The following ATP13A4 variants were observed in gnomAD, a reference collection of about 807,000 sequenced individuals.
The protein encoded by ATP13A4 is ATPase 13A4, also known as probable cation-transporting ATPase 13A4.
A neutral mutation model predicts 142.5 loss-of-function variants in ATP13A4; 114 were observed. The ratio of observed to expected loss-of-function variants is 0.80; its 90% CI spans 0.69 to 0.93. The LOEUF is 0.93. ATP13A4 is among the 40% of genes least tolerant of loss of function. ATP13A4 has a pLI of 0.00. For missense variants in ATP13A4, 1,392 were observed against 1,454.0 expected (o/e 0.96, Z 0.69); for synonymous variants, 488 against 514.8 (o/e 0.95, Z 0.70).
chr3:193,464,083 TACC>T (rs1227839888), intron 12 of ATP13A4, among the ~76,000 whole-genome samples: 7 of 152,260 alleles, frequency 4.6e-5, no homozygotes, highest in African/African-American at 1.4e-4. Context: ...ATGTGTATTT[TACC>T]ACATTTAAAA....
intron 1 of ATP13A4, among the ~76,000 whole-genome samples, chr3:193,523,749 T>C (rs1209716353): frequency 6.6e-6 from 1 of 152,168 alleles, no homozygotes; most frequent in African/African-American, 2.4e-5. Flanking sequence ...GGTTTGGATG[T>C]GGTTTGTCCC....
At position 193,496,332 on chromosome 3, in the gene ATP13A4, C is replaced by A. The variant is rs150624668; in HGVS notation, c.382-3172G>T. On this transcript the variant is annotated intron_variant, in intron 3 of 29. Transcript: ENST00000342695. ...TCTGACTTCAAATTTCACTACAAAG[C>A]GATAGTAACTAAAACAGCATGGTGC... Among the ~76,000 whole-genome samples the A allele has an allele frequency of 1.9e-3, 288 of 152,200 alleles. 3 individuals carry two copies. Among genetic ancestry groups the A allele is most frequent in the African/African-American group, 6.8e-3 (282 of 41,526 alleles).
rs887616491 is a variant in ATP13A4 at position 193,502,419 on chromosome 3, T to C, written c.381+74A>G. The C allele has an allele frequency of 4.6e-5, 70 of 1,519,624 alleles. No individual in the cohort carries two copies. In the African/African-American group the frequency reaches 7.4e-4, roughly 16 times the overall value. The allele number at this position is 1,519,624 out of a possible 1,614,324, so 94.1% of individuals were successfully genotyped here. ...ATGAGGATTGGCACAGTAGAGGAGC[T>C]ACATTTAACTATATACTTGAGGGGA... On this transcript the variant is annotated intron_variant, in intron 3 of 29. Coordinates refer to ENST00000342695, the MANE Select transcript of ATP13A4 (RefSeq NM_032279.4).
intron 2 of ATP13A4, among the ~76,000 whole-genome samples, chr3:193,506,528 C>T (rs879768321): frequency 2.6e-4 from 40 of 152,174 alleles, no homozygotes; most frequent in Admixed American, 2.0e-3. Flanking sequence ...TGGTTTTGTA[C>T]TTTCTGACCC....
chr3:193,584,930 TC>T (rs1293210591), intron 1 of ATP13A4, among the ~76,000 whole-genome samples: 1 of 152,154 alleles, frequency 6.6e-6, no homozygotes, highest in Non-Finnish European at 1.5e-5. Flanking sequence ...TATGGAATGT[TC>T]CCATGTTTCT....
At chr3:193,466,336 G>A (rs1400680391) in intron 10 of ATP13A4, among the ~76,000 whole-genome samples, 154 bp from the exon 11 acceptor site, 2 of 152,204 alleles carry the variant, frequency 1.3e-5, no homozygotes, top group African/African-American at 4.8e-5. Context: ...ATACATAAAT[G>A]CTGGAACGGA....
chr3:193,495,495 C>A (rs1720174176), intron 3 of ATP13A4, among the ~76,000 whole-genome samples: 1 of 152,024 alleles, frequency 6.6e-6, no homozygotes, highest in Non-Finnish European at 1.5e-5. Flanking sequence ...ACCATATGAT[C>A]ATTTGAACAA....
chr3:193,489,596 T>A lies in ATP13A4; in HGVS notation c.738+134A>T, dbSNP rs544486763. On this transcript the variant is annotated intron_variant, in intron 7 of 29. Coordinates refer to ENST00000342695, the MANE Select transcript of ATP13A4 (RefSeq NM_032279.4). ...AATTGTTGAACACTGGTTACTGTGC[T>A]AGGTATTTACAAACTTGCTCTCATT... 3.1e-5 allele frequency: 27 copies of A among 880,748 alleles called. No individual in the cohort carries two copies. The South Asian group carries it at 3.7e-4, about 12-fold the overall frequency. The allele number at this position is 880,748 out of a possible 1,614,324, so 54.6% of individuals were successfully genotyped here.
At chr3:193,435,183 T>C (rs562190113) in intron 24 of ATP13A4, among the ~76,000 whole-genome samples, 1 of 152,206 alleles carries the variant, frequency 6.6e-6, no homozygotes, top group Non-Finnish European at 1.5e-5. Context: ...TCAGTGACAA[T>C]AGGCAGACAG....
chr3:193,399,875 A>C lies in ATP13A4; in HGVS notation c.*2777T>G, dbSNP rs1261197260. 3.4e-5 allele frequency among the ~76,000 whole-genome samples: 5 copies of C among 146,142 alleles called. No individual in the cohort carries two copies. Among genetic ancestry groups the C allele is most frequent in the African/African-American group, 1.3e-4 (5 of 39,858 alleles). The stretch of plus-strand genomic sequence containing the variant: ...AAAAAAAAAAAAAAAAAAGGTTCAC[A>C]TCACAGCATAAGACTGAGACACTGG... On this transcript the variant is annotated 3_prime_UTR_variant, in exon 30 of 30. Transcript: ENST00000342695.
At chr3:193,559,150 T>C (rs1286428287), upstream of ATP13A4, among the ~76,000 whole-genome samples, 1 of 152,228 alleles carries the variant, frequency 6.6e-6, no homozygotes, top group Non-Finnish European at 1.5e-5. Context: ...ATCTTTCATC[T>C]GAGAACTCAC....
intron 25 of ATP13A4, among the ~76,000 whole-genome samples, chr3:193,428,755 C>A (rs987692855): frequency 6.1e-5 from 8 of 130,590 alleles, no homozygotes; most frequent in Non-Finnish European, 1.1e-4. Flanking sequence ...AACTCTTGGA[C>A]ACAGGAAGGG....
chr3:193,570,120 C>A (rs1724227586), intron 2 of ATP13A4, among the ~76,000 whole-genome samples: 1 of 152,002 alleles, frequency 6.6e-6, no homozygotes, highest in Non-Finnish European at 1.5e-5. Context: ...GGCAACAAAG[C>A]AAGACCTTCT....
In ATP13A4 at chr3:193,401,001, C is replaced by T. The variant is rs1714242594; in HGVS notation, c.*1651G>A. ...TGAAACACTAAAATATCTTCACGCC[C>T]TATTTTAAAACCAGAAGTAACAGGG... On this transcript the variant is annotated 3_prime_UTR_variant, in exon 30 of 30. Transcript: ENST00000342695. 6.6e-6 allele frequency among the ~76,000 whole-genome samples: 1 copy of T among 152,188 alleles called. No individual in the cohort carries two copies. Among genetic ancestry groups the T allele is most frequent in the African/African-American group, 2.4e-5 (1 of 41,448 alleles).
At chr3:193,551,284 GC>G (rs1160902515) in intron 1 of ATP13A4, among the ~76,000 whole-genome samples, 1 of 152,152 alleles carries the variant, frequency 6.6e-6, no homozygotes, top group East Asian at 1.9e-4. Context: ...ATGGTGGCAT[GC>G]AGCTGTAGTC....
intron 2 of ATP13A4, among the ~76,000 whole-genome samples, chr3:193,567,457 T>C (rs1288123335): frequency 6.6e-6 from 1 of 152,218 alleles, no homozygotes; most frequent in African/African-American, 2.4e-5. Flanking sequence ...TAATTTCTGC[T>C]AGAGCCCAAG....
intron 2 of ATP13A4, among the ~76,000 whole-genome samples, chr3:193,561,446 C>T (rs550654918): frequency 6.6e-6 from 1 of 152,264 alleles, no homozygotes; most frequent in South Asian, 2.1e-4. Context: ...AAGTAAGATG[C>T]TCCACAAAAG....
intron 2 of ATP13A4, among the ~76,000 whole-genome samples, chr3:193,568,442 A>T (rs1001181130): frequency 9.9e-5 from 15 of 151,980 alleles, no homozygotes; most frequent in African/African-American, 3.6e-4. Flanking sequence ...CATTGAAAGG[A>T]GCATGGATTT....
intron 2 of ATP13A4, among the ~76,000 whole-genome samples, chr3:193,508,503 A>G (rs1365295007): frequency 6.6e-6 from 1 of 152,206 alleles, no homozygotes; most frequent in Non-Finnish European, 1.5e-5. Context: ...AAAACTGGAG[A>G]AAAAAATCTC....
Sources: gnomAD v4.1 joint callset for allele counts (sites outside exome capture counted in the v4.1 genomes callset) on GRCh38, gnomAD v4.1.1 for gene constraint, MANE v1.5 for transcripts, NCBI Gene and HGNC (gene_info 2026-07-23, HGNC 2026-07-21) for gene names.